The following ERMARD variants were observed in gnomAD, a reference collection of about 807,000 sequenced individuals.
ERMARD encodes the protein ER membrane associated RNA degradation.
Under a neutral mutation model 83.9 loss-of-function variants are expected in ERMARD, and 71 were observed. That is an observed-to-expected ratio of 0.85 (90% CI 0.70 to 1.03). The LOEUF (loss-of-function observed/expected upper bound fraction) is 1.03, where lower values mean the gene tolerates loss of function less well. Ranked by LOEUF, ERMARD falls within the 50% of genes least tolerant of loss-of-function variation. The pLI is 0.00. For synonymous variants in ERMARD, 284 were observed against 298.6 expected (o/e 0.95, Z 0.50); for missense variants, 838 against 810.9 (o/e 1.03, Z -0.41).
intron 11 of ERMARD, 134 bp downstream of exon 11, chr6:169,768,305 G>C: frequency 1.3e-6 from 1 of 757,384 alleles, no homozygotes; most frequent in Non-Finnish European, 2.1e-6. Flanking sequence ...TGCTGTCTCA[G>C]CTTCAGCCAC....
chr6:169,755,040 T>C, intron 2 of ERMARD, among the ~76,000 whole-genome samples: 1 of 152,236 alleles, frequency 6.6e-6, no homozygotes, highest in Middle Eastern at 3.2e-3. Context: ...TAGTTTTCTC[T>C]TGTTTGAAAC....
rs766041714 is a variant in ERMARD at position 169,779,166 on chromosome 6, T to A, written c.1740-16T>A. On this transcript the variant is annotated splice_polypyrimidine_tract_variant and intron_variant, in intron 16 of 17. Transcript: ENST00000366773. ...AACATATCCTCACATTTTAATTTAC[T>A]TTTATCTGTTTTTAGTATCAGACTA... 8 of 1,600,106 alleles carry A rather than the reference T, an allele frequency of 5.0e-6. No individual in the cohort carries two copies. In the Admixed American group the frequency reaches 1.3e-4, roughly 27 times the overall value.
At chr6:169,776,233 C>T (rs1793574666) in intron 15 of ERMARD, 168 bp downstream of exon 15, 2 of 1,522,042 alleles carry the variant, frequency 1.3e-6, no homozygotes, top group Non-Finnish European at 1.8e-6. Flanking sequence ...AATCTCTGTG[C>T]AAGCTTGGCA....
intron 13 of ERMARD, among the ~76,000 whole-genome samples, chr6:169,774,064 A>G (rs572033798): frequency 1.4e-4 from 21 of 152,292 alleles, no homozygotes; most frequent in South Asian, 1.2e-3. Context: ...GGCTGGGCGC[A>G]GTGTCTCACG....
chr6:169,777,786 C>G (rs749630342), intron 16 of ERMARD, among the ~76,000 whole-genome samples: 3 of 151,964 alleles, frequency 2.0e-5, no homozygotes, highest in Non-Finnish European at 4.4e-5. Flanking sequence ...CTTCCCCCCA[C>G]CCACAGCTCC....
At position 169,757,729 on chromosome 6, in the gene ERMARD, T is replaced by A. The variant is rs74373430; in HGVS notation, c.507+921T>A. On this transcript the variant is annotated intron_variant, in intron 5 of 17. Transcript: ENST00000366773. ...CTTGCCAAGCCAGGGTGCTAGATGATTTTTGGAGTAAAGAAATCTGTCTTC... is the reference window on the plus strand; with the variant it reads ...CTTGCCAAGCCAGGGTGCTAGATGAATTTTGGAGTAAAGAAATCTGTCTTC... 3.6e-4 allele frequency among the ~76,000 whole-genome samples: 55 copies of A among 152,298 alleles called. 2 individuals are homozygous for A. The East Asian group carries it at 0.011, about 29-fold the overall frequency.
intron 13 of ERMARD, among the ~76,000 whole-genome samples, chr6:169,774,007 G>T (rs1049876489): frequency 6.6e-6 from 1 of 152,166 alleles, no homozygotes; most frequent in Non-Finnish European, 1.5e-5. Context: ...AACACACGGC[G>T]GGTCAGGAGA....
intron 9 of ERMARD, among the ~76,000 whole-genome samples, chr6:169,763,799 C>T (rs781702625): frequency 5.9e-5 from 9 of 152,254 alleles, no homozygotes; most frequent in Admixed American, 2.0e-4. Flanking sequence ...AAACCCAACA[C>T]ATGGAAGTTT....
chr6:169,770,548 A>T (rs1489278567), intron 12 of ERMARD: 1 of 152,214 alleles, frequency 6.6e-6, no homozygotes, highest in Non-Finnish European at 1.5e-5. Flanking sequence ...TCATTTGGGC[A>T]CTTACGTAAA....
chr6:169,771,674 C>CT (rs1792936110), intron 12 of ERMARD: 1 of 152,092 alleles, frequency 6.6e-6, no homozygotes, highest in Admixed American at 6.5e-5. Flanking sequence ...TCCTAGGTGG[C>CT]TGCTCAGGCG....
intron 6 of ERMARD, among the ~76,000 whole-genome samples, chr6:169,759,450 C>G (rs775245342): frequency 6.6e-6 from 1 of 151,892 alleles, no homozygotes; most frequent in African/African-American, 2.4e-5. Flanking sequence ...GATAGAGTGT[C>G]ACTCTGTCAC....
At chr6:169,765,254 C>G (rs529136994) in intron 9 of ERMARD, among the ~76,000 whole-genome samples, 2 of 152,340 alleles carry the variant, frequency 1.3e-5, no homozygotes, top group South Asian at 2.1e-4. Flanking sequence ...AGGATATAAT[C>G]TATCAAAGAA....
At chr6:169,764,218 T>C (rs369529654) in intron 9 of ERMARD, among the ~76,000 whole-genome samples, 40 of 152,098 alleles carry the variant, frequency 2.6e-4, no homozygotes, top group African/African-American at 9.4e-4. Flanking sequence ...CCTTCTCAAA[T>C]TTCATTCTCA....
At position 169,762,537 on chromosome 6, in the gene ERMARD, C is replaced by T. The variant is rs542399897; in HGVS notation, c.960+6C>T. The T allele has an allele frequency of 3.1e-6, 5 of 1,608,472 alleles. No individual in the cohort carries two copies. In the South Asian group the frequency reaches 5.5e-5, roughly 18 times the overall value. On this transcript the variant is annotated splice_donor_region_variant and intron_variant, in intron 9 of 17. Coordinates refer to ENST00000366773, the MANE Select transcript of ERMARD (RefSeq NM_018341.3). ...AAAGACTCCTGACTGCTGAGGTAAG[C>T]TTGTTTTTATTATTGATTGTGATCA...
intron 9 of ERMARD, among the ~76,000 whole-genome samples, chr6:169,763,443 TCTCTAAGGACA>T (rs981681221): frequency 2.0e-5 from 3 of 152,194 alleles, no homozygotes; most frequent in African/African-American, 7.2e-5. Flanking sequence ...TGCATGCCCC[TCTCTAAGGACA>T]CTTCCTGGAG....
chr6:169,763,990 T>A (rs999202799), intron 9 of ERMARD, among the ~76,000 whole-genome samples: 57 of 152,208 alleles, frequency 3.7e-4, no homozygotes, highest in African/African-American at 1.4e-3. Flanking sequence ...AGGCGTTGTT[T>A]CCCACAGATT....
At chr6:169,765,099 A>G (rs987440170) in intron 9 of ERMARD, among the ~76,000 whole-genome samples, 3 of 152,236 alleles carry the variant, frequency 2.0e-5, no homozygotes, top group Non-Finnish European at 4.4e-5. Context: ...GGCCCCACCC[A>G]TTAGAGCCCT....
chr6:169,762,751 CAAT>C (rs1186438532), intron 9 of ERMARD, among the ~76,000 whole-genome samples: 4 of 152,108 alleles, frequency 2.6e-5, no homozygotes, highest in Non-Finnish European at 5.9e-5. Flanking sequence ...CTTTAAAACT[CAAT>C]GATACCGTGA....
chr6:169,754,538 G>C (rs1247011086), intron 2 of ERMARD, among the ~76,000 whole-genome samples: 1 of 152,174 alleles, frequency 6.6e-6, no homozygotes, highest in Non-Finnish European at 1.5e-5. Context: ...GAAAATGTGT[G>C]TGTGCAAGGT....
Sources: allele counts gnomAD v4.1 joint callset (sites outside exome capture counted in the v4.1 genomes callset), GRCh38; gene constraint gnomAD v4.1.1; transcripts MANE v1.5; gene names NCBI Gene and HGNC (gene_info 2026-07-23, HGNC 2026-07-21).